The following WDR27 variants were observed in gnomAD, a reference collection of about 807,000 sequenced individuals.
WDR27 encodes the protein WD repeat domain 27.
WDR27 carries 100 observed loss-of-function variants against 114.4 expected under a neutral mutation model. That is an observed-to-expected ratio of 0.87 (90% CI 0.74 to 1.03). The LOEUF (loss-of-function observed/expected upper bound fraction) is 1.03. Ranked by LOEUF, WDR27 falls within the 50% of genes least tolerant of loss-of-function variation. The probability of loss-of-function intolerance (pLI) is 0.00; values close to 1 mark genes in which losing one functional copy is unlikely to be tolerated. For synonymous variants in WDR27, 449 were observed against 423.1 expected, an observed-to-expected ratio of 1.06 and a Z score of -0.75; for missense variants, 1,129 against 1,092.9, an observed-to-expected ratio of 1.03 and a Z score of -0.47.
intron 2 of WDR27, among the ~76,000 whole-genome samples, chr6:169,675,082 T>A (rs1779751940): frequency 6.6e-6 from 1 of 152,164 alleles, no homozygotes; most frequent in Non-Finnish European, 1.5e-5. Flanking sequence ...TCTGGATGTG[T>A]ACATGCAGGT....
intron 19 of WDR27, 129 bp from the exon 20 acceptor site, chr6:169,634,654 C>T (rs981879742): frequency 8.3e-6 from 5 of 601,708 alleles, no homozygotes; most frequent in Non-Finnish European, 1.1e-5. Context: ...TTTTATGATA[C>T]TGAGGGGAAA....
Position 169,607,149 on chromosome 6 carries a change from T to C in WDR27, c.2322-4828A>G, listed in dbSNP as rs563658066. On this transcript the variant is annotated intron_variant, in intron 22 of 25. Coordinates refer to ENST00000448612, the MANE Select transcript of WDR27 (RefSeq NM_182552.5). ...TATACAATGCTGATGGGAATGTAAATTAGTACAACCTCTACGCAAAACAAT... is the reference window on the plus strand; with the variant it reads ...TATACAATGCTGATGGGAATGTAAACTAGTACAACCTCTACGCAAAACAAT... Among the ~76,000 whole-genome samples the C allele has an allele frequency of 3.9e-5, 6 of 152,274 alleles. No homozygotes were observed. In the East Asian group the frequency reaches 1.2e-3, roughly 29 times the overall value.
intron 25 of WDR27, among the ~76,000 whole-genome samples, chr6:169,481,543 C>T (rs1485416042): frequency 6.6e-6 from 1 of 152,250 alleles, no homozygotes; most frequent in Non-Finnish European, 1.5e-5. Flanking sequence ...CCTTTATGAG[C>T]TGTAGCACTC....
At chr6:169,444,550 C>G in the WDR27 span, among the ~76,000 whole-genome samples, 1 of 152,180 alleles carries the variant, frequency 6.6e-6, no homozygotes, top group Admixed American at 6.5e-5. Flanking sequence ...ACGTCTGAGG[C>G]CAACCACCGC....
chr6:169,534,124 C>G (rs1795948868), intron 25 of WDR27, among the ~76,000 whole-genome samples: 1 of 152,152 alleles, frequency 6.6e-6, no homozygotes, highest in African/African-American at 2.4e-5. Context: ...TACATTTTGT[C>G]AAATCATTTT....
chr6:169,454,582 A>G (rs1302087645), downstream of WDR27, among the ~76,000 whole-genome samples: 2 of 152,204 alleles, frequency 1.3e-5, no homozygotes, highest in East Asian at 3.9e-4. Flanking sequence ...CCTTAAACAG[A>G]ATGTCAAAAA....
intron 22 of WDR27, among the ~76,000 whole-genome samples, chr6:169,605,769 C>G (rs1444544728): frequency 6.6e-6 from 1 of 151,944 alleles, no homozygotes; most frequent in African/African-American, 2.4e-5. Context: ...GACATATAGA[C>G]CAATGGAACA....
chr6:169,445,699 G>A, the WDR27 span, among the ~76,000 whole-genome samples: 1 of 152,244 alleles, frequency 6.6e-6, no homozygotes, highest in Non-Finnish European at 1.5e-5. Context: ...GCTCCTCTGG[G>A]CCCGCCCTGC....
At chr6:169,522,012 T>A (rs1794446163) in intron 25 of WDR27, among the ~76,000 whole-genome samples, 2 of 152,078 alleles carry the variant, frequency 1.3e-5, no homozygotes, top group Non-Finnish European at 2.9e-5. Flanking sequence ...GTAAATGGAC[T>A]AAATTCTCCA....
At position 169,652,220 on chromosome 6, in the gene WDR27, C is replaced by G. The variant is rs1667515073; in HGVS notation, c.1403-212G>C. On this transcript the variant is annotated intron_variant, in intron 13 of 25. Coordinates refer to ENST00000448612, the MANE Select transcript of WDR27 (RefSeq NM_182552.5). The stretch of plus-strand genomic sequence containing the variant: ...GGATTAAAAGGATAAGAAAATAGCC[C>G]AAGTTGGTTGTTTTGTTGTTGTTGT... Among the ~76,000 whole-genome samples, 4 of 152,252 alleles carry G rather than the reference C, an allele frequency of 2.6e-5. No individual in the cohort carries two copies. In the South Asian group the frequency reaches 8.3e-4, roughly 32 times the overall value.
At chr6:169,593,562 T>C (rs1251353157) in intron 23 of WDR27, among the ~76,000 whole-genome samples, 2 of 152,204 alleles carry the variant, frequency 1.3e-5, no homozygotes, top group Non-Finnish European at 2.9e-5. Flanking sequence ...AAAGCTAGTG[T>C]TTTGGCCAGG....
At chr6:169,472,974 G>C (rs1447595133) in intron 25 of WDR27, among the ~76,000 whole-genome samples, 1 of 152,130 alleles carries the variant, frequency 6.6e-6, no homozygotes. Flanking sequence ...GCAAAACACT[G>C]CTACAAATTT....
chr6:169,623,859 A>G (rs1813969638), intron 21 of WDR27, among the ~76,000 whole-genome samples: 1 of 152,114 alleles, frequency 6.6e-6, no homozygotes. Context: ...TTTTCCTCAC[A>G]CTGGCTGAGG....
intron 2 of WDR27, among the ~76,000 whole-genome samples, chr6:169,685,709 A>T (rs1367177477): frequency 6.6e-6 from 1 of 152,226 alleles, no homozygotes. Context: ...TATGTGATTT[A>T]TGAGACTAAG....
chr6:169,649,855 C>A (rs1821805224), intron 14 of WDR27, among the ~76,000 whole-genome samples: 1 of 149,930 alleles, frequency 6.7e-6, no homozygotes, highest in Non-Finnish European at 1.5e-5. Flanking sequence ...CCATCCCCCC[C>A]ATCAATTGAG....
At chr6:169,454,399 A>G (rs752423179), downstream of WDR27, among the ~76,000 whole-genome samples, 11 of 152,164 alleles carry the variant, frequency 7.2e-5, no homozygotes, top group Non-Finnish European at 1.5e-4. Flanking sequence ...ATGTGGGTAC[A>G]TGACTCACAC....
At chr6:169,453,205 G>A (rs1160284797), downstream of WDR27, among the ~76,000 whole-genome samples, 1 of 152,196 alleles carries the variant, frequency 6.6e-6, no homozygotes, top group Non-Finnish European at 1.5e-5. Flanking sequence ...GATGGACAGT[G>A]ATCTGGACAA....
intron 25 of WDR27, among the ~76,000 whole-genome samples, chr6:169,563,644 T>C (rs1340337005): frequency 2.6e-5 from 4 of 152,052 alleles, no homozygotes; most frequent in African/African-American, 9.7e-5. Context: ...AGCCGTCTCT[T>C]CTGCTTCAAC....
chr6:169,583,312 A>G (rs969313044), intron 23 of WDR27, among the ~76,000 whole-genome samples: 4 of 151,334 alleles, frequency 2.6e-5, no homozygotes, highest in African/African-American at 9.7e-5. Flanking sequence ...AAAAAAAAAA[A>G]AAAAAAAGAT....
Sources: allele counts gnomAD v4.1 joint callset (sites outside exome capture counted in the v4.1 genomes callset), GRCh38; gene constraint gnomAD v4.1.1; transcripts MANE v1.5; gene names NCBI Gene and HGNC (gene_info 2026-07-23, HGNC 2026-07-21).